The following TNFAIP3 variants were observed in gnomAD, a reference collection of about 807,000 sequenced individuals.
TNFAIP3 encodes the protein TNF alpha induced protein 3, also known as tumor necrosis factor alpha-induced protein 3.
A neutral mutation model predicts 72.4 loss-of-function variants in TNFAIP3; 9 were observed. The observed-to-expected ratio is 0.12, with a 90% CI of 0.07 to 0.22. TNFAIP3 has a LOEUF of 0.22. Among genes scored for constraint, TNFAIP3 ranks in the 10% least tolerant of loss-of-function variants. TNFAIP3 has a pLI of 1.00. For synonymous variants in TNFAIP3, 339 were observed against 372.6 expected (o/e 0.91, Z 1.04); for missense variants, 833 against 1,018.7 (o/e 0.82, Z 2.48).
At chr6:137,878,082 T>G (rs1205032563) in intron 6 of TNFAIP3, among the ~76,000 whole-genome samples, 2 of 152,248 alleles carry the variant, frequency 1.3e-5, no homozygotes. Context: ...TTACTCAGAA[T>G]TTGATCTCTG....
Position 137,871,163 on chromosome 6 carries a change from A to G in TNFAIP3, c.-15-50A>G. ...CTGCAGGCAGCTATAGAGGAGTCGT[A>G]TTAAAGTCAGGCTAATAGAATGGCT... On this transcript the variant is annotated intron_variant, in intron 1 of 8. Transcript: ENST00000612899. The surrounding 1 kb of genome is among the most constrained non-coding windows in gnomAD (Gnocchi z 4.2). The G allele has an allele frequency of 6.6e-7, 1 of 1,525,596 alleles. No homozygotes were observed. Among genetic ancestry groups the G allele is most frequent in the Non-Finnish European group, 8.8e-7 (1 of 1,138,498 alleles). 94.5% of individuals were successfully genotyped at this position (1,525,596 alleles called of 1,614,324 possible).
intron 6 of TNFAIP3, among the ~76,000 whole-genome samples, chr6:137,877,766 C>T (rs937133483): frequency 6.6e-6 from 1 of 152,170 alleles, no homozygotes; most frequent in South Asian, 2.1e-4. Context: ...TGCAGGTATC[C>T]GGTCTTTAAA....
At chr6:137,875,128 G>A in intron 3 of TNFAIP3, 93 bp downstream of exon 3, 1 of 1,426,690 alleles carries the variant, frequency 7.0e-7, no homozygotes, top group South Asian at 1.3e-5. Flanking sequence ...AGCATCTGAT[G>A]GACTAGGTCA....
Position 137,881,410 on chromosome 6 carries a change from G to A in TNFAIP3, c.*91G>A, listed in dbSNP as rs1776459873. 1 of 1,162,474 alleles carries A rather than the reference G, an allele frequency of 8.6e-7. No homozygotes were observed. The highest frequency in any genetic ancestry group is 1.2e-6 in the Non-Finnish European group (1 of 816,628). 72.0% of individuals were successfully genotyped at this position (1,162,474 alleles called of 1,614,324 possible). A position where few individuals can be genotyped will look rare whatever the true frequency, so the allele number is the denominator to read the frequency against. ...TCCTCTGAACCCCTCAGCTGCCACT[G>A]CAACAGTGGGCTTAAGGGTGTCTGA... is the stretch of plus-strand genomic sequence containing the variant. On this transcript the variant is annotated 3_prime_UTR_variant, in exon 9 of 9. Coordinates refer to ENST00000612899, the MANE Select transcript of TNFAIP3 (RefSeq NM_001270508.2). The surrounding 1 kb of genome is among the most constrained non-coding windows in gnomAD (Gnocchi z 5.0).
In TNFAIP3 at chr6:137,882,368, G is replaced by GA. The variant is rs1275387383; in HGVS notation, c.*1053dup. ...GTGAAGATATTTCTTCAGCTCTGGG[G>GA]AAAATGCCACAGTGTTCTCCTGAGA... On this transcript the variant is annotated 3_prime_UTR_variant, in exon 9 of 9. Coordinates refer to ENST00000612899, the MANE Select transcript of TNFAIP3 (RefSeq NM_001270508.2). 1 of 232,550 alleles carries GA rather than the reference G, an allele frequency of 4.3e-6. No individual in the cohort carries two copies. Among genetic ancestry groups the GA allele is most frequent in the Non-Finnish European group, 8.5e-6 (1 of 117,646 alleles). 14.4% of individuals were successfully genotyped at this position (232,550 alleles called of 1,614,324 possible).
chr6:137,880,169 A>G lies in TNFAIP3; in HGVS notation c.2005A>G (p.Met669Val), dbSNP rs1776400561. The G allele has an allele frequency of 1.2e-6, 2 of 1,614,172 alleles. No homozygotes were observed. The highest frequency in any genetic ancestry group is 1.7e-6 in the Non-Finnish European group (2 of 1,180,014). Residue 669 changes from methionine to valine, a missense_variant, in exon 8 of 9, where the codon ATG becomes GTG. By Grantham distance (21) the Met-to-Val change is conservative. Around this residue, in one of 2 missense-constraint regions of TNFAIP3, gnomAD observed 587 missense variants for 657.8 expected, o/e 0.89. Coordinates refer to ENST00000612899, the MANE Select transcript of TNFAIP3 (RefSeq NM_001270508.2). ...GGAATGCGGCACCCTTGGAAGCACC[A>G]TGTTTGAAGGATACTGCCAGAAGTG... ...GRECGTLGST[M>V]FEGYCQKCFI... is the part of the protein sequence containing the mutation.
chr6:137,880,608 C>T (rs1776416953), intron 8 of TNFAIP3, among the ~76,000 whole-genome samples: 1 of 150,840 alleles, frequency 6.6e-6, no homozygotes, highest in Non-Finnish European at 1.5e-5. Context: ...CTTAAATAAT[C>T]CTTTATCATA....
upstream of TNFAIP3, chr6:137,866,796 C>G (rs991855590): frequency 6.6e-6 from 1 of 152,390 alleles, no homozygotes; most frequent in Non-Finnish European, 1.5e-5. Context: ...GGCCTGCGGG[C>G]CCGGGCGCCA....
At position 137,871,783 on chromosome 6, in the gene TNFAIP3, C is replaced by A. The variant is rs552954656; in HGVS notation, c.295+261C>A. Among the ~76,000 whole-genome samples the A allele has an allele frequency of 3.7e-4, 57 of 152,300 alleles. No individual in the cohort carries two copies. The highest frequency in any genetic ancestry group is 1.7e-3 in the South Asian group (8 of 4,820). ...GAGAATGCATTTGTAAACACCATAC[C>A]TCCATTAGGTGATTTCTTTCTAATT... On this transcript the variant is annotated intron_variant, in intron 2 of 8. Coordinates refer to ENST00000612899, the MANE Select transcript of TNFAIP3 (RefSeq NM_001270508.2). This position sits in a 1 kb window ranked among gnomAD's most constrained non-coding sequence, Gnocchi z 4.2.
intron 8 of TNFAIP3, among the ~76,000 whole-genome samples, chr6:137,880,671 C>A (rs150020063): frequency 7.2e-5 from 11 of 152,146 alleles, no homozygotes; most frequent in Non-Finnish European, 1.3e-4. Flanking sequence ...AATGGCGCGT[C>A]AGAAAAGCCA....
upstream of TNFAIP3, chr6:137,867,224 C>A (rs972272246): frequency 6.6e-6 from 1 of 152,168 alleles, no homozygotes; most frequent in African/African-American, 2.4e-5. This position sits in a 1 kb window ranked among gnomAD's most constrained non-coding sequence, Gnocchi z 6.0. Flanking sequence ...GGGCCTACAA[C>A]CCGCATACAA....
rs1776069630 is a variant in TNFAIP3, at chr6:137,871,650, T to C, written c.295+128T>C. The C allele has an allele frequency of 9.9e-7, 1 of 1,006,610 alleles. No homozygotes were observed. The highest frequency in any genetic ancestry group is 2.5e-5 in the East Asian group (1 of 40,644). 62.4% of individuals were successfully genotyped at this position (1,006,610 alleles called of 1,614,324 possible). A position where few individuals can be genotyped will look rare whatever the true frequency, so the allele number is the denominator to read the frequency against. On this transcript the variant is annotated intron_variant, in intron 2 of 8. Coordinates refer to ENST00000612899, the MANE Select transcript of TNFAIP3 (RefSeq NM_001270508.2). This position sits in a 1 kb window ranked among gnomAD's most constrained non-coding sequence, Gnocchi z 4.2. ...TCTTGAGATTTAGTATTGAGACCTT[T>C]ATATAGAATCTCTATTCGGGGTATG...
At position 137,879,071 on chromosome 6, in the gene TNFAIP3, G is replaced by C. The variant is rs2114503127; in HGVS notation, c.1626G>C (p.Arg542Ser). The change falls in exon 7 of 9, where the codon AGG (arginine) becomes AGC (serine). Residue 542 changes from arginine (R) to serine (S), a missense_variant. Arg to Ser is a moderately radical substitution (Grantham distance 110). This residue lies in a region of TNFAIP3 where 587 missense variants were observed against 657.8 expected (regional missense o/e 0.89). Transcript: ENST00000612899. ...GGATCTGCAGTACTTGCTTCAAAAG[G>C]ACTACAGCAGAGGCCTCCTCCAGCC... is the stretch of plus-strand genomic sequence containing the variant. ...FNGICSTCFK[R>S]TTAEASSSLS... 6.2e-7 allele frequency: 1 copy of C among 1,614,186 alleles called. No homozygotes were observed. The highest frequency in any genetic ancestry group is 8.5e-7 in the Non-Finnish European group (1 of 1,180,034).
Position 137,867,624 on chromosome 6 carries a change from C to A in TNFAIP3, c.-16+82C>A, listed in dbSNP as rs1439310113. ...CGGGTGCATGTTGGGCAGCGACCCC[C>A]GGGCTGGCACCGTCTACCTGGCGTT... On this transcript the variant is annotated intron_variant, in intron 1 of 8. Transcript: ENST00000612899. This position sits in a 1 kb window ranked among gnomAD's most constrained non-coding sequence, Gnocchi z 6.0. 2 of 152,710 alleles carry A rather than the reference C, an allele frequency of 1.3e-5. No homozygotes were observed. Among genetic ancestry groups the A allele is most frequent in the African/African-American group, 4.8e-5 (2 of 41,472 alleles). The allele number at this position is 152,710 out of a possible 1,614,324, so 9.5% of individuals were successfully genotyped here.
chr6:137,882,401 C>T lies in TNFAIP3; in HGVS notation c.*1082C>T, dbSNP rs747254301. ...CACAGTGTTCTCCTGAGAGAACATC[C>T]TTGCTTTGAGTCAGGCTGTGGGCAA... On this transcript the variant is annotated 3_prime_UTR_variant, in exon 9 of 9. Coordinates refer to ENST00000612899, the MANE Select transcript of TNFAIP3 (RefSeq NM_001270508.2). 3 of 232,790 alleles carry T rather than the reference C, an allele frequency of 1.3e-5. No homozygotes were observed. Among genetic ancestry groups the T allele is most frequent in the African/African-American group, 6.6e-5 (3 of 45,274 alleles). The allele number at this position is 232,790 out of a possible 1,614,324, so 14.4% of individuals were successfully genotyped here.
At chr6:137,869,624 G>T (rs1403631470) in intron 1 of TNFAIP3, among the ~76,000 whole-genome samples, 1 of 151,962 alleles carries the variant, frequency 6.6e-6, no homozygotes, top group Non-Finnish European at 1.5e-5. Flanking sequence ...AGAAACCATG[G>T]GTCATCTAGT....
At chr6:137,869,827 A>T (rs1250116597) in intron 1 of TNFAIP3, among the ~76,000 whole-genome samples, 1 of 152,220 alleles carries the variant, frequency 6.6e-6, no homozygotes, top group Admixed American at 6.5e-5. Context: ...GGAATTAACA[A>T]TCACTGTGAA....
chr6:137,875,848 C>T lies in TNFAIP3; in HGVS notation c.634+13C>T, dbSNP rs1488641118. ...ATTGTCATTTCAGGTGAGATGCCTG[C>T]AGATCACGGATCTGTACTTAAATGC... On this transcript the variant is annotated intron_variant, in intron 4 of 8. Coordinates refer to ENST00000612899, the MANE Select transcript of TNFAIP3 (RefSeq NM_001270508.2). 2.5e-6 allele frequency: 4 copies of T among 1,613,894 alleles called. No homozygotes were observed. Among genetic ancestry groups the T allele is most frequent in the Non-Finnish European group, 3.4e-6 (4 of 1,179,934 alleles).
intron 1 of TNFAIP3, among the ~76,000 whole-genome samples, chr6:137,870,773 G>C (rs1776032118): frequency 6.6e-6 from 1 of 152,168 alleles, no homozygotes; most frequent in Non-Finnish European, 1.5e-5. Context: ...GAGGGGAGGA[G>C]CTACAGACTT....
Sources: allele counts gnomAD v4.1 joint callset (sites outside exome capture counted in the v4.1 genomes callset), GRCh38; gene constraint gnomAD v4.1.1; regional missense constraint gnomAD v4.1.1; non-coding constraint Gnocchi (gnomAD v3.1); transcripts MANE v1.5; gene names NCBI Gene and HGNC (gene_info 2026-07-23, HGNC 2026-07-21).